The following GSN variants were observed in gnomAD, a reference collection of about 807,000 sequenced individuals.
GSN encodes actin-depolymerizing factor.
GSN carries 56 observed loss-of-function variants against 85.7 expected under a neutral mutation model. The observed-to-expected ratio is 0.65, with a 90% CI of 0.53 to 0.82. GSN has a LOEUF of 0.82. Among genes scored for constraint, GSN ranks in the 40% least tolerant of loss-of-function variants. The pLI is 0.00. For missense variants in GSN, 857 were observed against 979.8 expected (o/e 0.87, Z 1.67); for synonymous variants, 373 against 399.1 (o/e 0.93, Z 0.78).
chr9:121,202,984 G>A (rs1220926488), upstream of GSN, among the ~76,000 whole-genome samples: 21 of 152,134 alleles, frequency 1.4e-4, 1 homozygote, highest in African/African-American at 3.9e-4. Flanking sequence ...AAAATTAGCC[G>A]GGCGTGGTGG....
Position 121,299,682 on chromosome 9 carries a change from C to T in GSN, c.-9-2281C>T. On this transcript the variant is annotated intron_variant, in intron 2 of 17. Transcript: ENST00000432226. This position sits in a 1 kb window ranked among gnomAD's most constrained non-coding sequence, Gnocchi z 4.2. ...CCCGGAGCTGGGGTGCAGGGGCTGC[C>T]GCGCCCTGTCGGGTCGATCCGGGTG... 1.3e-6 allele frequency: 1 copy of T among 777,402 alleles called. No homozygotes were observed. The highest frequency in any genetic ancestry group is 1.7e-6 in the Non-Finnish European group (1 of 599,416). The allele number at this position is 777,402 out of a possible 1,614,324, so 48.2% of individuals were successfully genotyped here. A position where few individuals can be genotyped will look rare whatever the true frequency, so the allele number is the denominator to read the frequency against.
intron 2 of GSN, among the ~76,000 whole-genome samples, chr9:121,295,615 A>G (rs1481690795): frequency 1.3e-5 from 2 of 152,172 alleles, no homozygotes; most frequent in Non-Finnish European, 2.9e-5. Flanking sequence ...GGGGTCCCGC[A>G]GACATACAGA....
At chr9:121,219,829 T>C (rs553599940) in intron 4 of GSN, among the ~76,000 whole-genome samples, 1 of 152,270 alleles carries the variant, frequency 6.6e-6, no homozygotes, top group East Asian at 1.9e-4. Flanking sequence ...GCAAACCCGG[T>C]TGCATGACTG....
upstream of GSN, among the ~76,000 whole-genome samples, chr9:121,206,208 T>TCA (rs1326638451): frequency 6.6e-6 from 1 of 152,190 alleles, no homozygotes; most frequent in East Asian, 1.9e-4. Context: ...CAGTGATACA[T>TCA]AATTTAATTA....
chr9:121,204,548 G>C (rs1229755065), upstream of GSN, among the ~76,000 whole-genome samples: 1 of 152,234 alleles, frequency 6.6e-6, no homozygotes, highest in Non-Finnish European at 1.5e-5. Context: ...TCAAAGTGAG[G>C]AGAGTGTATG....
rs74537081 is a variant in GSN at position 121,245,102 on chromosome 9, C to T, written c.-388-3174C>T. On this transcript the variant is annotated intron_variant, in intron 5 of 24. Transcript: ENST00000373823. ...ATGACCCTGTGTGTCCAGTTGATGA[C>T]GTAACCACACAAAGAAGACTTTAGT... Among the ~76,000 whole-genome samples, 1,108 of 152,228 alleles carry T rather than the reference C, an allele frequency of 7.3e-3. 15 individuals are homozygous for T. Among genetic ancestry groups the T allele is most frequent in the African/African-American group, 0.021 (879 of 41,536 alleles).
At chr9:121,248,884 C>T (rs10760164) in intron 6 of GSN, among the ~76,000 whole-genome samples, 57,451 of 151,892 alleles carry the variant, frequency 0.38, 13,547 homozygotes, top group East Asian at 0.62. Flanking sequence ...GCTAAGAGGT[C>T]TGGAAGGTGA....
At chr9:121,282,591 A>C in intron 2 of GSN, 1 of 1,051,874 alleles carries the variant, frequency 9.5e-7, no homozygotes, top group Non-Finnish European at 1.2e-6. Context: ...GTTGTGCCCC[A>C]AAAGCCAGGG....
intron 7 of GSN, among the ~76,000 whole-genome samples, chr9:121,315,764 AAAT>A (rs1369406437): frequency 6.6e-6 from 1 of 152,150 alleles, no homozygotes; most frequent in South Asian, 2.1e-4. Flanking sequence ...TCCGTCTCAA[AAAT>A]AATAATAATA....
intron 12 of GSN, among the ~76,000 whole-genome samples, chr9:121,325,406 T>C (rs994373638): frequency 3.3e-5 from 5 of 151,748 alleles, no homozygotes; most frequent in African/African-American, 1.2e-4. Flanking sequence ...GGAGGGGGCA[T>C]TGGGTGTTAA....
Position 121,219,884 on chromosome 9 carries a change from C to CT in GSN, c.-528+9030dup, listed in dbSNP as rs773081215. ...TACACTCCCCTTTCTTTTTTCTTTT[C>CT]TTTTTTTTTTTTTGAGACGAAGTTT... is the stretch of plus-strand genomic sequence containing the variant. On this transcript the variant is annotated intron_variant, in intron 4 of 24. Coordinates refer to the GSN transcript ENST00000373823. Among the ~76,000 whole-genome samples the CT allele has an allele frequency of 8.7e-3, 1,258 of 144,706 alleles. 4 individuals carry two copies. The highest frequency in any genetic ancestry group is 0.012 in the Non-Finnish European group (764 of 65,340). 94.9% of individuals were successfully genotyped at this position (144,706 alleles called of 152,430 possible). A position where few individuals can be genotyped will look rare whatever the true frequency, so the allele number is the denominator to read the frequency against.
chr9:121,215,346 C>A (rs143787714), intron 4 of GSN, among the ~76,000 whole-genome samples: 20 of 150,064 alleles, frequency 1.3e-4, no homozygotes, highest in African/African-American at 4.9e-4. Flanking sequence ...ATTTTTTTTT[C>A]TTTTTGTGGG....
rs1464985912 is a variant in GSN at position 121,317,194 on chromosome 9, G to T, written c.862G>T (p.Asp288Tyr). Reference sequence around the variant, plus strand: ...CTGCTTCATCCTGGACCACGGCAAAGATGGGAAAATCTTTGTCTGGAAAGG... The same window carrying T: ...CTGCTTCATCCTGGACCACGGCAAATATGGGAAAATCTTTGTCTGGAAAGG... ...EDCFILDHGK[D>Y]GKIFVWKGKQ... The change falls in exon 8 of 18, where the codon GAT becomes TAT. Residue 288 changes from aspartate (D) to tyrosine (Y), a missense_variant. Asp to Tyr is a radical substitution (Grantham distance 160). Transcript: ENST00000432226. 1 of 1,614,090 alleles carries T rather than the reference G, an allele frequency of 6.2e-7. No individual in the cohort carries two copies. Among genetic ancestry groups the T allele is most frequent in the African/African-American group, 1.3e-5 (1 of 74,936 alleles).
chr9:121,246,264 G>T (rs1414915546), intron 5 of GSN, among the ~76,000 whole-genome samples: 2 of 149,632 alleles, frequency 1.3e-5, no homozygotes, highest in African/African-American at 4.9e-5. Context: ...TAATAAAAAA[G>T]TTTTTTTTTT....
intron 5 of GSN, among the ~76,000 whole-genome samples, chr9:121,237,267 A>G (rs1159345919): frequency 1.3e-5 from 2 of 152,194 alleles, no homozygotes; most frequent in African/African-American, 4.8e-5. Context: ...TAGGCAGTCA[A>G]AATCATCTGC....
chr9:121,331,274 T>C, intron 16 of GSN, 114 bp from the exon 17 acceptor site: 1 of 722,408 alleles, frequency 1.4e-6, no homozygotes, highest in Non-Finnish European at 2.5e-6. Context: ...ATGGGCTCTG[T>C]TAGAAAGGGG....
At position 121,326,549 on chromosome 9, in the gene GSN, T is replaced by C; in HGVS notation, c.1454T>C (p.Met485Thr). 1 of 1,613,556 alleles carries C rather than the reference T, an allele frequency of 6.2e-7. No individual in the cohort carries two copies. Among genetic ancestry groups the C allele is most frequent in the Non-Finnish European group, 8.5e-7 (1 of 1,179,614 alleles). The part of the protein sequence containing the change: ...VVQGKEPAHL[M>T]SLFGGKPMII... Reference sequence around the variant, plus strand: ...CAAGGCAAGGAGCCCGCCCACCTCATGAGCCTGTTTGGTGGGAAGCCCATG... The same window carrying C: ...CAAGGCAAGGAGCCCGCCCACCTCACGAGCCTGTTTGGTGGGAAGCCCATG... The change falls in exon 13 of 18, where the codon ATG becomes ACG. Residue 485 changes from methionine (M) to threonine (T), a missense_variant. Coordinates refer to ENST00000432226, the MANE Select transcript of GSN (RefSeq NM_198252.3).
At position 121,318,782 on chromosome 9, in the gene GSN, A is replaced by AACTCC; in HGVS notation, c.1095_1096insTCCAC (p.Val366SerfsTer75). The AACTCC allele has an allele frequency of 1.9e-6, 3 of 1,614,126 alleles. No individual in the cohort carries two copies. The highest frequency in any genetic ancestry group is 2.5e-6 in the Non-Finnish European group (3 of 1,180,020). On this transcript the variant is annotated frameshift_variant, in exon 10 of 18. Transcript: ENST00000432226. LOFTEE classifies it high-confidence loss of function. The surrounding 1 kb of genome is among the most constrained non-coding windows in gnomAD (Gnocchi z 4.3). ...GTCCTACCTTTCCAGCCATATCGCCAACGTGGAGCGGGTGCCCTTCGACGC... is the reference window on the plus strand; with the variant it reads ...GTCCTACCTTTCCAGCCATATCGCCAACTCCACGTGGAGCGGGTGCCCTTCGACGC...
chr9:121,242,988 G>T (rs1444544572), intron 5 of GSN, among the ~76,000 whole-genome samples: 1 of 152,152 alleles, frequency 6.6e-6, no homozygotes, highest in Admixed American at 6.5e-5. Flanking sequence ...CCTATGGAGG[G>T]TACATTAGTT....
Sources: gnomAD v4.1 joint callset for allele counts (sites outside exome capture counted in the v4.1 genomes callset) on GRCh38, gnomAD v4.1.1 for gene constraint, Gnocchi (gnomAD v3.1) non-coding constraint, MANE v1.5 for transcripts, NCBI Gene and HGNC (gene_info 2026-07-23, HGNC 2026-07-21) for gene names.